KPNA3: variants seen among roughly 807,000 people sequenced by gnomAD.
The protein encoded by KPNA3 is karyopherin subunit alpha 3.
KPNA3 carries 13 observed loss-of-function variants against 73.8 expected under a neutral mutation model. The observed-to-expected ratio is 0.18, with a 90% CI of 0.11 to 0.28. The LOEUF is 0.28. KPNA3 is among the 10% of genes least tolerant of loss of function. KPNA3 has a pLI of 1.00. For missense variants in KPNA3, 360 were observed against 618.1 expected, an observed-to-expected ratio of 0.58 and a Z score of 4.43; for synonymous variants, 186 against 206.9, an observed-to-expected ratio of 0.90 and a Z score of 0.87.
At chr13:49,762,277 T>A (rs1298742066) in intron 1 of KPNA3, among the ~76,000 whole-genome samples, 1 of 147,912 alleles carries the variant, frequency 6.8e-6, no homozygotes, top group East Asian at 2.0e-4. Context: ...CATCGCCCCG[T>A]CCGGGAGGTG....
rs376494555 is a variant in KPNA3, at chr13:49,747,009, A to G, written c.70-16T>C. 2.8e-4 allele frequency: 451 copies of G among 1,592,200 alleles called. 3 individuals are homozygous for G. In the South Asian group the frequency reaches 4.8e-3, roughly 17 times the overall value. ...TTCGCATTGTCTAGAAAAGAAAAACAAAGATTACAGATGTATCAAAATACG... is the reference window on the plus strand; with the variant it reads ...TTCGCATTGTCTAGAAAAGAAAAACGAAGATTACAGATGTATCAAAATACG... On this transcript the variant is annotated splice_polypyrimidine_tract_variant and intron_variant, in intron 1 of 16. Transcript: ENST00000261667.
chr13:49,755,121 C>T (rs1566352042), intron 1 of KPNA3, among the ~76,000 whole-genome samples: 1 of 151,568 alleles, frequency 6.6e-6, no homozygotes. Flanking sequence ...ACTGCAGATA[C>T]AAAAATCCTT....
chr13:49,730,026 A>G (rs562165759), intron 6 of KPNA3, among the ~76,000 whole-genome samples: 1 of 152,302 alleles, frequency 6.6e-6, no homozygotes, highest in East Asian at 1.9e-4. Context: ...ACAAATCCAT[A>G]AAGTCAGATC....
At chr13:49,770,395 C>T (rs190348916) in intron 1 of KPNA3, among the ~76,000 whole-genome samples, 6 of 151,994 alleles carry the variant, frequency 3.9e-5, no homozygotes, top group Middle Eastern at 3.4e-3. Flanking sequence ...AGGCTGGTCT[C>T]GAAATCCTAG....
chr13:49,725,789 A>G (rs908180188), intron 6 of KPNA3, among the ~76,000 whole-genome samples: 1 of 151,994 alleles, frequency 6.6e-6, no homozygotes, highest in Admixed American at 6.6e-5. Context: ...TTACAGGTGC[A>G]CATCACCACA....
At chr13:49,786,265 T>C (rs535653824) in intron 1 of KPNA3, among the ~76,000 whole-genome samples, 15 of 152,200 alleles carry the variant, frequency 9.9e-5, no homozygotes, top group South Asian at 2.1e-4. Context: ...TCATTAAGTT[T>C]CATGTTTCAA....
chr13:49,728,583 C>T (rs1444798889), intron 6 of KPNA3, among the ~76,000 whole-genome samples: 2 of 152,178 alleles, frequency 1.3e-5, no homozygotes, highest in East Asian at 3.8e-4. Flanking sequence ...TGAAACATGG[C>T]TTTCCCAGTA....
chr13:49,733,571 G>T (rs111738798), intron 2 of KPNA3, among the ~76,000 whole-genome samples: 4,307 of 152,242 alleles, frequency 0.028, 205 homozygotes, highest in African/African-American at 0.098. Flanking sequence ...TTACAAGCGT[G>T]AGCCACTGCG....
At chr13:49,753,538 GA>G (rs1462083230) in intron 1 of KPNA3, among the ~76,000 whole-genome samples, 1 of 152,220 alleles carries the variant, frequency 6.6e-6, no homozygotes, top group Non-Finnish European at 1.5e-5. Flanking sequence ...CGTGAGCAAT[GA>G]ATTTATTTAC....
In KPNA3 at chr13:49,719,813, G is replaced by A. The variant is rs1954338462; in HGVS notation, c.733C>T (p.Pro245Ser). 6.3e-7 allele frequency: 1 copy of A among 1,587,754 alleles called. No homozygotes were observed. ...PPMETVQEIL[P>S]ALCVLIYHTD... Reference sequence around the variant, plus strand: ...TGGTATATGAGGACACATAAAGCTGGCAAAATCTGAGGAAAGAAAATAAAC... The same window carrying A: ...TGGTATATGAGGACACATAAAGCTGACAAAATCTGAGGAAAGAAAATAAAC... Residue 245 changes from proline to serine, a missense_variant, in exon 10 of 17, where the codon CCA becomes TCA. Around this residue, in one of 3 missense-constraint regions of KPNA3, gnomAD observed 287 missense variants for 549.1 expected, o/e 0.52. Transcript: ENST00000261667.
chr13:49,702,532 A>T, intron 15 of KPNA3, 52 bp from the exon 16 acceptor site: 10 of 905,726 alleles, frequency 1.1e-5, no homozygotes, highest in Non-Finnish European at 1.7e-5. Context: ...AGGAGATACT[A>T]ATCAAAACCA....
chr13:49,786,091 G>A (rs1269679439), intron 1 of KPNA3, among the ~76,000 whole-genome samples: 1 of 152,186 alleles, frequency 6.6e-6, no homozygotes, highest in East Asian at 1.9e-4. Flanking sequence ...GCGAGTTCAT[G>A]TTACAGAAAT....
chr13:49,722,517 A>G lies in KPNA3; in HGVS notation c.516T>C (p.Asn172=). The change falls in exon 8 of 17, where the codon AAT becomes AAC. Residue 172 remains asparagine, a synonymous_variant. Transcript: ENST00000261667. ...FLRLLRSPHQ[N]VCEQAVWALG... is the part of the protein sequence containing the mutation. Reference sequence around the variant, plus strand: ...AAGCCCATACTGCTTGTTCACAAACATTCTGATGTGGTGAACGAAGAAGTC... The same window carrying G: ...AAGCCCATACTGCTTGTTCACAAACGTTCTGATGTGGTGAACGAAGAAGTC... 1 of 1,612,408 alleles carries G rather than the reference A, an allele frequency of 6.2e-7. No individual in the cohort carries two copies. The highest frequency in any genetic ancestry group is 8.5e-7 in the Non-Finnish European group (1 of 1,179,158).
chr13:49,706,200 A>G (rs895508814), intron 13 of KPNA3, 31 bp from the exon 14 acceptor site: 1 of 1,611,534 alleles, frequency 6.2e-7, no homozygotes, highest in Non-Finnish European at 8.5e-7. Context: ...CATAAAATGG[A>G]CTCTTTATCC....
chr13:49,791,688 A>T (rs979148750), intron 1 of KPNA3, among the ~76,000 whole-genome samples: 2 of 150,992 alleles, frequency 1.3e-5, no homozygotes, highest in African/African-American at 4.9e-5. Flanking sequence ...AAGTCCTATG[A>T]GCGGAGGTCG....
chr13:49,709,019 T>C (rs1403273728), intron 12 of KPNA3, among the ~76,000 whole-genome samples: 1 of 152,236 alleles, frequency 6.6e-6, no homozygotes, highest in East Asian at 1.9e-4. Context: ...TGATTGTTGC[T>C]ATGCTCAGTC....
chr13:49,735,390 A>T (rs1267062436), intron 2 of KPNA3, among the ~76,000 whole-genome samples: 2 of 152,134 alleles, frequency 1.3e-5, no homozygotes. Flanking sequence ...CAAAAGTGGT[A>T]GGGTTACAGT....
At chr13:49,745,647 G>A (rs188941119) in intron 2 of KPNA3, among the ~76,000 whole-genome samples, 302 of 151,874 alleles carry the variant, frequency 2.0e-3, no homozygotes, top group African/African-American at 7.0e-3. Context: ...ATGAGCCACC[G>A]CACCCAGCCC....
chr13:49,711,161 A>G, intron 10 of KPNA3, 139 bp from the exon 11 acceptor site: 1 of 638,110 alleles, frequency 1.6e-6, no homozygotes, highest in Non-Finnish European at 2.6e-6. Flanking sequence ...TGCTTAGCTG[A>G]TTAATCTATT....
Sources: allele counts gnomAD v4.1 joint callset (sites outside exome capture counted in the v4.1 genomes callset), GRCh38; gene constraint gnomAD v4.1.1; regional missense constraint gnomAD v4.1.1; transcripts MANE v1.5; gene names NCBI Gene and HGNC (gene_info 2026-07-23, HGNC 2026-07-21).